AUH: variants seen among roughly 807,000 people sequenced by gnomAD.
AUH encodes AU RNA binding methylglutaconyl-CoA hydratase.
A neutral mutation model predicts 42.3 loss-of-function variants in AUH; 29 were observed. The ratio of observed to expected loss-of-function variants is 0.69; its 90% confidence interval spans 0.51 to 0.93. The LOEUF is 0.93. Ranked by LOEUF, AUH falls within the 40% of genes least tolerant of loss-of-function variation. The probability of loss-of-function intolerance (pLI) is 0.00; values close to 1 mark genes in which losing one functional copy is unlikely to be tolerated. For missense variants in AUH, 452 were observed against 438.1 expected (o/e 1.03, Z -0.28); for synonymous variants, 174 against 166.4 (o/e 1.05, Z -0.35).
intron 6 of AUH, among the ~76,000 whole-genome samples, chr9:91,293,324 C>A (rs189724710): frequency 3.4e-4 from 52 of 152,322 alleles, no homozygotes; most frequent in Admixed American, 3.3e-3. Flanking sequence ...AAAAGCTAGG[C>A]CTCTTGCACC....
chr9:91,321,694 C>T (rs1404982886), intron 4 of AUH, among the ~76,000 whole-genome samples: 5 of 152,020 alleles, frequency 3.3e-5, no homozygotes, highest in Non-Finnish European at 5.9e-5. Flanking sequence ...TTAGTACAAA[C>T]CTGTGAGCTA....
intron 6 of AUH, among the ~76,000 whole-genome samples, chr9:91,246,523 T>G (rs1461127342): frequency 6.6e-6 from 1 of 151,892 alleles, no homozygotes; most frequent in Non-Finnish European, 1.5e-5. Context: ...TATATGAGAC[T>G]CAAAGAGGCG....
intron 6 of AUH, among the ~76,000 whole-genome samples, chr9:91,246,889 G>C (rs1175843523): frequency 6.6e-6 from 1 of 152,240 alleles, no homozygotes; most frequent in Non-Finnish European, 1.5e-5. Context: ...AGGCTGGAAA[G>C]TCTGGTAGTC....
chr9:91,312,561 C>G (rs1229644322), intron 4 of AUH, among the ~76,000 whole-genome samples: 1 of 152,176 alleles, frequency 6.6e-6, no homozygotes, highest in Non-Finnish European at 1.5e-5. Flanking sequence ...AACCCTGTCT[C>G]TACCAAAAAA....
At chr9:91,324,045 A>G (rs1022876290) in intron 4 of AUH, among the ~76,000 whole-genome samples, 23 of 152,352 alleles carry the variant, frequency 1.5e-4, no homozygotes, top group African/African-American at 5.3e-4. Context: ...TCATCTAGAT[A>G]TTAAAAGTTT....
intron 6 of AUH, among the ~76,000 whole-genome samples, chr9:91,269,416 T>C (rs1052297440): frequency 6.6e-6 from 1 of 152,248 alleles, no homozygotes; most frequent in Non-Finnish European, 1.5e-5. Flanking sequence ...AGTAGTCTAA[T>C]ACAAAAACTA....
intron 6 of AUH, among the ~76,000 whole-genome samples, chr9:91,262,761 G>A (rs991118453): frequency 2.6e-5 from 4 of 152,054 alleles, no homozygotes; most frequent in African/African-American, 4.8e-5. Flanking sequence ...TCAAAACTCC[G>A]TAACTACTCC....
At chr9:91,302,954 G>C (rs1346349790) in intron 4 of AUH, among the ~76,000 whole-genome samples, 1 of 152,172 alleles carries the variant, frequency 6.6e-6, no homozygotes, top group African/African-American at 2.4e-5. Context: ...GCAAGAGGAA[G>C]AAATTATGAC....
At chr9:91,217,142 A>G (rs1414100727) in intron 8 of AUH, 135 bp downstream of exon 8, 1 of 878,082 alleles carries the variant, frequency 1.1e-6, no homozygotes, top group African/African-American at 1.7e-5. Context: ...GAACTTCAGT[A>G]GCTTTCAGTA....
At chr9:91,257,830 C>A (rs1304971377) in intron 6 of AUH, among the ~76,000 whole-genome samples, 1 of 152,220 alleles carries the variant, frequency 6.6e-6, no homozygotes, top group African/African-American at 2.4e-5. Context: ...GATTGCACTG[C>A]ATCTACAGAT....
chr9:91,285,024 G>A (rs535852597), intron 6 of AUH, among the ~76,000 whole-genome samples: 17 of 152,166 alleles, frequency 1.1e-4, no homozygotes, highest in African/African-American at 3.4e-4. Context: ...TGTTTATTGC[G>A]GCACTATTCA....
In AUH at chr9:91,361,716, G is replaced by A. The variant is rs776359681; in HGVS notation, c.174C>T (p.Ala58=). Residue 58 remains alanine, a synonymous_variant, in exon 1 of 10, where the codon GCC becomes GCT. Coordinates refer to ENST00000375731, the MANE Select transcript of AUH (RefSeq NM_001698.3). ...AGCCCCTTTTCGGGGCGGGACCCCC[G>A]GCCGCAGGTACCCAGCCCTGGGCCC... ...AIWAQGWVPA[A]GGPAPKRGYS... The A allele has an allele frequency of 5.5e-5, 86 of 1,551,668 alleles. No homozygotes were observed. The highest frequency in any genetic ancestry group is 1.2e-4 in the East Asian group (5 of 41,172).
intron 6 of AUH, among the ~76,000 whole-genome samples, chr9:91,273,381 T>A (rs930405546): frequency 6.7e-6 from 1 of 150,240 alleles, no homozygotes; most frequent in East Asian, 1.9e-4. Context: ...TTCCAGGTAT[T>A]CCTTGTAACA....
intron 6 of AUH, among the ~76,000 whole-genome samples, chr9:91,282,677 T>C (rs1826065392): frequency 6.6e-6 from 1 of 152,018 alleles, no homozygotes; most frequent in South Asian, 2.1e-4. Context: ...GAGAATACTA[T>C]AAACACCTCT....
intron 6 of AUH, among the ~76,000 whole-genome samples, chr9:91,236,337 T>C (rs1367528537): frequency 6.6e-6 from 1 of 152,058 alleles, no homozygotes; most frequent in Non-Finnish European, 1.5e-5. Context: ...ATACCAACCG[T>C]TGACATTACT....
intron 1 of AUH, among the ~76,000 whole-genome samples, 181 bp downstream of exon 1, chr9:91,361,447 T>C (rs935056882): frequency 1.3e-5 from 2 of 151,860 alleles, no homozygotes; most frequent in African/African-American, 4.8e-5. Flanking sequence ...AAGCAAGAAA[T>C]AGGTGCACAA....
chr9:91,314,116 G>A (rs1044956875), intron 4 of AUH, among the ~76,000 whole-genome samples: 16 of 152,082 alleles, frequency 1.1e-4, no homozygotes, highest in African/African-American at 3.9e-4. Flanking sequence ...GAGCCACTGT[G>A]CCTGCCCATA....
At chr9:91,361,503 A>G in intron 1 of AUH, 125 bp downstream of exon 1, 1 of 1,331,722 alleles carries the variant, frequency 7.5e-7, no homozygotes. Flanking sequence ...AAGGGGAGGG[A>G]CCCAGGTTCG....
intron 1 of AUH, among the ~76,000 whole-genome samples, 176 bp downstream of exon 1, chr9:91,361,452 G>A (rs1276602868): frequency 1.3e-5 from 2 of 152,174 alleles, no homozygotes; most frequent in Non-Finnish European, 2.9e-5. Flanking sequence ...AGAAATAGGT[G>A]CACAAGGAAG....
Sources: gnomAD v4.1 joint callset for allele counts (sites outside exome capture counted in the v4.1 genomes callset) on GRCh38, gnomAD v4.1.1 for gene constraint, MANE v1.5 for transcripts, NCBI Gene and HGNC (gene_info 2026-07-23, HGNC 2026-07-21) for gene names.